The following SULT1B1 variants were observed in gnomAD, a reference collection of about 807,000 sequenced individuals.
The protein encoded by SULT1B1 is sulfotransferase family 1B member 1, also known as sulfotransferase 1B1.
In SULT1B1, 28 loss-of-function variants were observed where a neutral mutation model predicts 34.6. The ratio of observed to expected loss-of-function variants is 0.81; its 90% CI spans 0.60 to 1.11. The LOEUF is 1.11. SULT1B1 is among the 50% of genes least tolerant of loss of function. The probability of loss-of-function intolerance (pLI) is 0.00; values close to 1 mark genes in which losing one functional copy is unlikely to be tolerated. For synonymous variants in SULT1B1, 147 were observed against 110.2 expected (o/e 1.33, Z -2.09); for missense variants, 374 against 352.2 (o/e 1.06, Z -0.50).
At chr4:69,736,194 G>C (rs1212400536) in intron 4 of SULT1B1, among the ~76,000 whole-genome samples, 1 of 152,210 alleles carries the variant, frequency 6.6e-6, no homozygotes, top group Non-Finnish European at 1.5e-5. Flanking sequence ...ACACGTCCCA[G>C]TGGTAGAAAT....
chr4:69,734,125 A>G lies in SULT1B1; in HGVS notation c.502+13T>C, dbSNP rs1718196509. On this transcript the variant is annotated intron_variant, in intron 5 of 7. Transcript: ENST00000310613. ...AAAAAATACTTATCAATTTTAAGAT[A>G]AAGTCCACATACCTTTTCCAGTTAA... 1.3e-6 allele frequency: 2 copies of G among 1,570,372 alleles called. No homozygotes were observed. Among genetic ancestry groups the G allele is most frequent in the Non-Finnish European group, 1.7e-6 (2 of 1,160,454 alleles).
chr4:69,734,985 A>AT (rs1171872076), intron 4 of SULT1B1, among the ~76,000 whole-genome samples: 2 of 151,854 alleles, frequency 1.3e-5, no homozygotes, highest in East Asian at 1.9e-4. Flanking sequence ...CGCCTGGCTA[A>AT]TTTTTTGTAT....
intron 6 of SULT1B1, among the ~76,000 whole-genome samples, chr4:69,732,326 C>G (rs1360383809): frequency 6.6e-6 from 1 of 152,084 alleles, no homozygotes; most frequent in Non-Finnish European, 1.5e-5. Flanking sequence ...ACGAGAAACC[C>G]CTGGGAGTTT....
chr4:69,727,142 A>G lies in SULT1B1; in HGVS notation c.837T>C (p.Ala279=). 1.9e-6 allele frequency: 3 copies of G among 1,612,036 alleles called. No individual in the cohort carries two copies. The South Asian group carries it at 3.3e-5, about 18-fold the overall frequency. ...FTVAQNEKFD[A]IYETEMSKTA... is the part of the protein sequence containing the mutation. The stretch of plus-strand genomic sequence containing the variant: ...TTTTGGACATTTCTGTCTCATAAAT[A>G]GCATCAAATTTCTCATTTTGGGCCA... The change falls in exon 8 of 8, where the codon GCT becomes GCC. Residue 279 remains alanine, a synonymous_variant. Transcript: ENST00000310613.
Position 69,722,285 on chromosome 4 carries a change from A to G in SULT1B1, c.*4803T>C, listed in dbSNP as rs191687797. On this transcript the variant is annotated 3_prime_UTR_variant, in exon 8 of 8. Coordinates refer to ENST00000310613, the MANE Select transcript of SULT1B1 (RefSeq NM_014465.4). ...TACAAAGTAAAACTAGAAAATGTGGAAATTATTTTATCTTGCTAGTGAAGA... is the reference window on the plus strand; with the variant it reads ...TACAAAGTAAAACTAGAAAATGTGGGAATTATTTTATCTTGCTAGTGAAGA... 172 of 152,248 alleles carry G rather than the reference A, an allele frequency of 1.1e-3. No individual in the cohort carries two copies. Among genetic ancestry groups the G allele is most frequent in the African/African-American group, 4.0e-3 (166 of 41,560 alleles). The allele number at this position is 152,248 out of a possible 1,614,324, so 9.4% of individuals were successfully genotyped here. A position where few individuals can be genotyped will look rare whatever the true frequency, so the allele number is the denominator to read the frequency against.
chr4:69,749,899 A>C, intron 3 of SULT1B1, 81 bp from the exon 4 acceptor site: 1 of 1,056,466 alleles, frequency 9.5e-7, no homozygotes, highest in Non-Finnish European at 1.5e-6. Flanking sequence ...CCAGTTTTTC[A>C]AGACATTTTT....
At chr4:69,744,285 C>T (rs1356997041) in intron 4 of SULT1B1, among the ~76,000 whole-genome samples, 2 of 152,190 alleles carry the variant, frequency 1.3e-5, no homozygotes, top group African/African-American at 2.4e-5. Flanking sequence ...TGTGTTTCCC[C>T]TCAGCGGAGG....
At position 69,734,994 on chromosome 4, in the gene SULT1B1, A is replaced by G. The variant is rs1334808882; in HGVS notation, c.376-730T>C. Among the ~76,000 whole-genome samples the G allele has an allele frequency of 4.0e-5, 6 of 151,816 alleles. No homozygotes were observed. In the East Asian group the frequency reaches 1.2e-3, roughly 29 times the overall value. ...CCACCACGCCTGGCTAATTTTTTGT[A>G]TTTTTAGTAGAGACGGGGTTTCACC... is the stretch of plus-strand genomic sequence containing the variant. On this transcript the variant is annotated intron_variant, in intron 4 of 7. Coordinates refer to ENST00000310613, the MANE Select transcript of SULT1B1 (RefSeq NM_014465.4).
chr4:69,748,027 G>T (rs1041199121), intron 4 of SULT1B1, among the ~76,000 whole-genome samples: 10 of 151,760 alleles, frequency 6.6e-5, no homozygotes, highest in Non-Finnish European at 1.5e-4. Context: ...CAACCATCTT[G>T]GCTCTATCCC....
At chr4:69,738,094 A>G (rs1286349762) in intron 4 of SULT1B1, among the ~76,000 whole-genome samples, 2 of 152,178 alleles carry the variant, frequency 1.3e-5, no homozygotes, top group African/African-American at 4.8e-5. Context: ...CCTTCCATGC[A>G]TAAGTGAGAA....
At chr4:69,736,032 T>C (rs117678225) in intron 4 of SULT1B1, among the ~76,000 whole-genome samples, 2,206 of 152,314 alleles carry the variant, frequency 0.014, 106 homozygotes, top group East Asian at 0.14. Context: ...GGTGAGAATC[T>C]GTGCACTTGG....
At chr4:69,753,229 C>T (rs967992481) in intron 3 of SULT1B1, among the ~76,000 whole-genome samples, 35 of 152,112 alleles carry the variant, frequency 2.3e-4, no homozygotes, top group African/African-American at 5.3e-4. Context: ...TCCTTGCAAG[C>T]GAATGGTTCC....
intron 3 of SULT1B1, among the ~76,000 whole-genome samples, chr4:69,750,021 G>A (rs1219654226): frequency 6.6e-6 from 1 of 152,126 alleles, no homozygotes; most frequent in Admixed American, 6.5e-5. Context: ...TAGCCACCCT[G>A]AGTTCAAATG....
At chr4:69,737,094 A>G (rs994074220) in intron 4 of SULT1B1, among the ~76,000 whole-genome samples, 2 of 151,952 alleles carry the variant, frequency 1.3e-5, no homozygotes, top group Non-Finnish European at 2.9e-5. Context: ...AAACTCTTAG[A>G]AAAAAAAGCC....
chr4:69,758,230 T>C (rs1719262925), intron 1 of SULT1B1: 1 of 852,270 alleles, frequency 1.2e-6, no homozygotes, highest in Non-Finnish European at 1.4e-6. Context: ...CTGTAAGCAG[T>C]GTACTTGGGA....
At position 69,724,309 on chromosome 4, in the gene SULT1B1, T is replaced by G. The variant is rs1441561047; in HGVS notation, c.*2779A>C. On this transcript the variant is annotated 3_prime_UTR_variant, in exon 8 of 8. Coordinates refer to ENST00000310613, the MANE Select transcript of SULT1B1 (RefSeq NM_014465.4). ...GAATAAAATACCTAGGAATCCAACT[T>G]ACAAGGGATGTGAAGGATCACTTCA... is the stretch of plus-strand genomic sequence containing the variant. The G allele has an allele frequency of 6.6e-6, 1 of 152,100 alleles. No homozygotes were observed. The highest frequency in any genetic ancestry group is 2.4e-5 in the African/African-American group (1 of 41,386). 9.4% of individuals were successfully genotyped at this position (152,100 alleles called of 1,614,324 possible).
At chr4:69,749,424 G>A (rs935852742) in intron 4 of SULT1B1, among the ~76,000 whole-genome samples, 4 of 152,064 alleles carry the variant, frequency 2.6e-5, no homozygotes, top group East Asian at 1.9e-4. Context: ...AAGGACTAAC[G>A]TCCTTAAGTT....
intron 4 of SULT1B1, among the ~76,000 whole-genome samples, chr4:69,746,888 G>A (rs1300758506): frequency 6.6e-6 from 1 of 152,038 alleles, no homozygotes; most frequent in Non-Finnish European, 1.5e-5. Context: ...TATATTCTTT[G>A]TTGCCCTTGA....
intron 1 of SULT1B1, among the ~76,000 whole-genome samples, chr4:69,759,205 C>G (rs1336298628): frequency 6.6e-6 from 1 of 152,118 alleles, no homozygotes; most frequent in Non-Finnish European, 1.5e-5. Context: ...GATTAGGAAA[C>G]AGATCTTCAG....
Sources: gnomAD v4.1 joint callset for allele counts (sites outside exome capture counted in the v4.1 genomes callset) on GRCh38, gnomAD v4.1.1 for gene constraint, MANE v1.5 for transcripts, NCBI Gene and HGNC (gene_info 2026-07-23, HGNC 2026-07-21) for gene names.